The following FBN1 variants were observed in gnomAD, a reference collection of about 807,000 sequenced individuals.
FBN1 encodes the protein fibrillin 1.
In FBN1, 29 loss-of-function variants were observed where a neutral mutation model predicts 365.1. The ratio of observed to expected loss-of-function variants is 0.08; its 90% confidence interval spans 0.06 to 0.11. The LOEUF (loss-of-function observed/expected upper bound fraction) is 0.11, where lower values mean the gene tolerates loss of function less well. FBN1 is among the 10% of genes least tolerant of loss of function. The probability of loss-of-function intolerance (pLI) is 1.00; values close to 1 mark genes in which losing one functional copy is unlikely to be tolerated. For missense variants in FBN1, 2,476 were observed against 3,703.2 expected (o/e 0.67, Z 8.60); for synonymous variants, 1,210 against 1,270.5 (o/e 0.95, Z 1.01).
At chr15:48,610,676 T>G in intron 4 of FBN1, 52 bp downstream of exon 4, 1 of 1,353,186 alleles carries the variant, frequency 7.4e-7, no homozygotes, top group Non-Finnish European at 1.0e-6. Flanking sequence ...TAGGAGAAAA[T>G]GGGGTATAAC....
intron 45 of FBN1, among the ~76,000 whole-genome samples, chr15:48,452,194 GA>G (rs988752797): frequency 1.3e-5 from 2 of 152,088 alleles, no homozygotes; most frequent in African/African-American, 2.4e-5. Context: ...TCTGTGGAAG[GA>G]AAAAAATCAT....
chr15:48,451,780 A>G (rs1238822297), intron 45 of FBN1, among the ~76,000 whole-genome samples: 1 of 152,204 alleles, frequency 6.6e-6, no homozygotes, highest in African/African-American at 2.4e-5. Context: ...AAAAACTTAC[A>G]AGAAAATCAT....
intron 62 of FBN1, 115 bp downstream of exon 62, chr15:48,421,443 C>A: frequency 1.6e-6 from 2 of 1,279,162 alleles, no homozygotes; most frequent in South Asian, 2.5e-5. Context: ...AGCTGAGTGC[C>A]CCCCTGGGCT....
At chr15:48,529,093 T>G (rs2043943576) in intron 8 of FBN1, 1 of 152,242 alleles carries the variant, frequency 6.6e-6, no homozygotes, top group Admixed American at 6.5e-5. Flanking sequence ...GGTCACTTTC[T>G]CAGTTTCTAT....
In FBN1 at chr15:48,434,725, C is replaced by G. The variant is rs369726558; in HGVS notation, c.6497-12G>C. The stretch of plus-strand genomic sequence containing the variant: ...ACATTCATCAGTATCTGCAAGAAAC[C>G]AGGAATGTGTCCAAAACATGATGAA... On this transcript the variant is annotated splice_polypyrimidine_tract_variant and intron_variant, in intron 53 of 65. Transcript: ENST00000316623. 17 of 1,612,956 alleles carry G rather than the reference C, an allele frequency of 1.1e-5. No homozygotes were observed. Among genetic ancestry groups the G allele is most frequent in the African/African-American group, 1.3e-5 (1 of 74,850 alleles).
chr15:48,609,526 C>T (rs1370509006), intron 4 of FBN1, among the ~76,000 whole-genome samples: 4 of 152,216 alleles, frequency 2.6e-5, no homozygotes, highest in East Asian at 1.9e-4. Context: ...CTGTGAACAG[C>T]GAGGGCTCGG....
chr15:48,591,778 AGAGTTATGAGTG>A (rs2044479248), intron 6 of FBN1, among the ~76,000 whole-genome samples: 1 of 149,220 alleles, frequency 6.7e-6, no homozygotes, highest in Non-Finnish European at 1.5e-5. Flanking sequence ...TGAGGTCTTT[AGAGTTATGAGTG>A]GCCCCTTTCC....
intron 24 of FBN1, among the ~76,000 whole-genome samples, chr15:48,491,145 T>C (rs566529152): frequency 2.4e-4 from 36 of 152,194 alleles, no homozygotes; most frequent in Non-Finnish European, 4.7e-4. Context: ...AAATACTGAT[T>C]CTTCCTAAAC....
intron 35 of FBN1, 75 bp downstream of exon 35, chr15:48,472,476 A>AGC: frequency 1.3e-6 from 2 of 1,543,666 alleles, no homozygotes; most frequent in Non-Finnish European, 1.8e-6. Context: ...AAAAAAAAAA[A>AGC]AAGCATCAGG....
chr15:48,431,870 G>C (rs1465781520), intron 55 of FBN1, among the ~76,000 whole-genome samples: 1 of 151,966 alleles, frequency 6.6e-6, no homozygotes, highest in African/African-American at 2.4e-5. Context: ...GGTCAGGCTG[G>C]TCTCAAACTC....
intron 23 of FBN1, 99 bp from the exon 24 acceptor site, chr15:48,492,685 G>C: frequency 9.6e-7 from 1 of 1,041,162 alleles, no homozygotes; most frequent in Non-Finnish European, 1.4e-6. Context: ...TTTGAACCTG[G>C]TAAGTTCATA....
intron 35 of FBN1, among the ~76,000 whole-genome samples, chr15:48,471,860 T>C (rs927179980): frequency 2.0e-5 from 3 of 152,238 alleles, no homozygotes; most frequent in Non-Finnish European, 2.9e-5. Context: ...GGGAAGAATC[T>C]TGTGTTCCCT....
At chr15:48,519,682 C>G (rs868796310) in intron 10 of FBN1, among the ~76,000 whole-genome samples, 2 of 151,970 alleles carry the variant, frequency 1.3e-5, no homozygotes, top group African/African-American at 4.8e-5. Flanking sequence ...CCTGAACTGG[C>G]AAGAAGTTTT....
chr15:48,437,239 A>G (rs1039692946), intron 52 of FBN1, 83 bp downstream of exon 52: 10 of 1,362,570 alleles, frequency 7.3e-6, no homozygotes, highest in Non-Finnish European at 9.4e-6. Context: ...TTTCCAAGAT[A>G]GATGGAGAAA....
intron 9 of FBN1, among the ~76,000 whole-genome samples, chr15:48,524,716 C>T (rs190624261): frequency 1.3e-5 from 2 of 152,110 alleles, no homozygotes; most frequent in Non-Finnish European, 2.9e-5. Context: ...CTCTCACTAC[C>T]CACTTAAACT....
At chr15:48,618,508 T>C (rs997089919) in intron 2 of FBN1, among the ~76,000 whole-genome samples, 12 of 152,216 alleles carry the variant, frequency 7.9e-5, no homozygotes, top group African/African-American at 2.7e-4. Flanking sequence ...GAATACCTCA[T>C]GTGACTGTTA....
At chr15:48,575,810 C>CAA (rs927456562) in intron 6 of FBN1, among the ~76,000 whole-genome samples, 1 of 112,628 alleles carries the variant, frequency 8.9e-6, no homozygotes, top group African/African-American at 2.8e-5. Flanking sequence ...GATACACACA[C>CAA]ACACACACAC....
intron 9 of FBN1, among the ~76,000 whole-genome samples, chr15:48,522,855 T>C (rs1414416877): frequency 1.3e-5 from 2 of 152,222 alleles, no homozygotes; most frequent in Non-Finnish European, 2.9e-5. Context: ...AAATGTGCTT[T>C]CCAGAATTTT....
At chr15:48,630,591 T>G (rs1180216659) in intron 2 of FBN1, among the ~76,000 whole-genome samples, 1 of 152,112 alleles carries the variant, frequency 6.6e-6, no homozygotes. Context: ...TTTTCAAAAC[T>G]TTAAAAGGAA....
Sources: gnomAD v4.1 joint callset for allele counts (sites outside exome capture counted in the v4.1 genomes callset) on GRCh38, gnomAD v4.1.1 for gene constraint, MANE v1.5 for transcripts, NCBI Gene and HGNC (gene_info 2026-07-23, HGNC 2026-07-21) for gene names.